The following GLCE variants were observed in gnomAD, a reference collection of about 807,000 sequenced individuals.
GLCE encodes the protein D-glucuronyl C5-epimerase.
In GLCE, 19 loss-of-function variants were observed where a neutral mutation model predicts 47.9. That is an observed-to-expected ratio of 0.40 (90% CI 0.28 to 0.58). The LOEUF (loss-of-function observed/expected upper bound fraction) is 0.58, where lower values mean the gene tolerates loss of function less well. Ranked by LOEUF, GLCE falls within the 20% of genes least tolerant of loss-of-function variation. The probability of loss-of-function intolerance (pLI) is 0.48; values close to 1 mark genes in which losing one functional copy is unlikely to be tolerated. For missense variants in GLCE, 556 were observed against 743.3 expected, an observed-to-expected ratio of 0.75 and a Z score of 2.93; for synonymous variants, 245 against 263.4, an observed-to-expected ratio of 0.93 and a Z score of 0.68.
chr15:69,214,661 T>G (rs75817857), intron 2 of GLCE, among the ~76,000 whole-genome samples: 2,554 of 152,282 alleles, frequency 0.017, 84 homozygotes, highest in African/African-American at 0.057. Context: ...ACTTTCTGTA[T>G]ACACGCTTAA....
chr15:69,223,825 T>G (rs1429456851), intron 2 of GLCE, among the ~76,000 whole-genome samples: 1 of 152,214 alleles, frequency 6.6e-6, no homozygotes, highest in Admixed American at 6.5e-5. Flanking sequence ...AGTTAGCTGA[T>G]TCTTCAGCCT....
At chr15:69,209,598 C>T (rs1051843886) in intron 1 of GLCE, among the ~76,000 whole-genome samples, 1 of 152,030 alleles carries the variant, frequency 6.6e-6, no homozygotes, top group African/African-American at 2.4e-5. Flanking sequence ...TTGTTTGGGT[C>T]AGATGTATGC....
At chr15:69,206,574 A>G (rs895727841) in intron 1 of GLCE, among the ~76,000 whole-genome samples, 2 of 152,036 alleles carry the variant, frequency 1.3e-5, no homozygotes, top group Non-Finnish European at 2.9e-5. Flanking sequence ...ATTGGCTTAT[A>G]ATTCAATACT....
intron 2 of GLCE, among the ~76,000 whole-genome samples, chr15:69,248,635 GCA>G (rs1249216529): frequency 2.0e-5 from 3 of 152,210 alleles, no homozygotes; most frequent in Non-Finnish European, 4.4e-5. Context: ...TCTGAGCTAG[GCA>G]CAGTTTTTTT....
At chr15:69,202,494 C>G (rs1319902005) in intron 1 of GLCE, among the ~76,000 whole-genome samples, 4 of 152,156 alleles carry the variant, frequency 2.6e-5, no homozygotes, top group South Asian at 2.1e-4. Flanking sequence ...GTGGGTCTAC[C>G]CTTCATGGAA....
At chr15:69,170,007 C>G (rs2051566003) in intron 1 of GLCE, among the ~76,000 whole-genome samples, 1 of 151,932 alleles carries the variant, frequency 6.6e-6, no homozygotes, top group Non-Finnish European at 1.5e-5. Flanking sequence ...TTATGTAAAT[C>G]TTAGTACATA....
intron 2 of GLCE, among the ~76,000 whole-genome samples, chr15:69,230,740 AT>A (rs2052511027): frequency 6.6e-6 from 1 of 152,204 alleles, no homozygotes; most frequent in South Asian, 2.1e-4. Context: ...TTCTAGATGT[AT>A]TTGTGTCCTG....
intron 2 of GLCE, among the ~76,000 whole-genome samples, chr15:69,248,793 G>C (rs1446242019): frequency 6.6e-6 from 1 of 152,062 alleles, no homozygotes; most frequent in Non-Finnish European, 1.5e-5. Flanking sequence ...GTACAGATGG[G>C]ATTTCACCAT....
intron 2 of GLCE, among the ~76,000 whole-genome samples, 179 bp downstream of exon 2, chr15:69,210,585 C>T (rs1029711015): frequency 6.6e-6 from 1 of 151,930 alleles, no homozygotes. Context: ...TTAAATTTCC[C>T]AGTCTAATCT....
At chr15:69,212,414 CTTAGA>C (rs1179180950) in intron 2 of GLCE, among the ~76,000 whole-genome samples, 1 of 151,740 alleles carries the variant, frequency 6.6e-6, no homozygotes, top group South Asian at 2.1e-4. Flanking sequence ...TTCATATAAT[CTTAGA>C]TTATTTAGAT....
intron 3 of GLCE, among the ~76,000 whole-genome samples, chr15:69,258,971 C>G (rs932344952): frequency 2.6e-5 from 4 of 152,258 alleles, no homozygotes; most frequent in South Asian, 2.1e-4. Flanking sequence ...CCTGCCAAAC[C>G]TTTGTACTGT....
At chr15:69,235,649 A>G (rs1250860015) in intron 2 of GLCE, among the ~76,000 whole-genome samples, 1 of 152,232 alleles carries the variant, frequency 6.6e-6, no homozygotes, top group South Asian at 2.1e-4. Context: ...ATTTAGGCCT[A>G]TCAGACTAAA....
Position 69,271,770 on chromosome 15 carries a change from T to C in GLCE, c.*2526T>C, listed in dbSNP as rs2053169954. 6.6e-6 allele frequency: 1 copy of C among 152,628 alleles called. No individual in the cohort carries two copies. The highest frequency in any genetic ancestry group is 2.1e-4 in the South Asian group (1 of 4,826). 9.5% of individuals were successfully genotyped at this position (152,628 alleles called of 1,614,324 possible). A position where few individuals can be genotyped will look rare whatever the true frequency, so the allele number is the denominator to read the frequency against. On this transcript the variant is annotated 3_prime_UTR_variant, in exon 5 of 5. Transcript: ENST00000261858. ...TGGATGAAGGTCAAGTTTGACCTTT[T>C]AGGAGTTATTGTACATAAAGGCTTC...
intron 3 of GLCE, 43 bp from the exon 4 acceptor site, chr15:69,261,044 A>T (rs372095938): frequency 2.3e-5 from 36 of 1,570,232 alleles, no homozygotes; most frequent in Non-Finnish European, 3.1e-5. Flanking sequence ...ATAGGCTTGT[A>T]ATGTCTGGAT....
chr15:69,235,913 C>T (rs1025371077), intron 2 of GLCE, among the ~76,000 whole-genome samples: 1 of 152,176 alleles, frequency 6.6e-6, no homozygotes, highest in Non-Finnish European at 1.5e-5. Context: ...ACATTTCCAT[C>T]GTCCTCAAAA....
At chr15:69,241,088 T>A (rs2052665509) in intron 2 of GLCE, among the ~76,000 whole-genome samples, 1 of 152,188 alleles carries the variant, frequency 6.6e-6, no homozygotes, top group Non-Finnish European at 1.5e-5. Context: ...ATCATCATCA[T>A]GATCATCAGG....
chr15:69,194,619 A>G (rs1433050558), intron 1 of GLCE: 2 of 152,100 alleles, frequency 1.3e-5, no homozygotes, highest in African/African-American at 2.4e-5. Flanking sequence ...ATAAACGGCA[A>G]TTTTACCCAG....
intron 2 of GLCE, among the ~76,000 whole-genome samples, chr15:69,251,658 G>C: frequency 6.6e-6 from 1 of 152,048 alleles, no homozygotes; most frequent in East Asian, 1.9e-4. Context: ...TCACTCAGTT[G>C]CCAATTTTTG....
At chr15:69,229,184 A>G (rs2052487352) in intron 2 of GLCE, among the ~76,000 whole-genome samples, 2 of 152,248 alleles carry the variant, frequency 1.3e-5, no homozygotes, top group Non-Finnish European at 2.9e-5. Flanking sequence ...AGGTCCATAC[A>G]CTGGAAAGAC....
Sources: gnomAD v4.1 joint callset for allele counts (sites outside exome capture counted in the v4.1 genomes callset) on GRCh38, gnomAD v4.1.1 for gene constraint, MANE v1.5 for transcripts, NCBI Gene and HGNC (gene_info 2026-07-23, HGNC 2026-07-21) for gene names.